CHST1: variants seen among roughly 807,000 people sequenced by gnomAD.
CHST1 encodes Keratan sulfotransferase.
In CHST1, 10 loss-of-function variants were observed where a neutral mutation model predicts 22.5. The observed-to-expected ratio is 0.44, with a 90% CI of 0.27 to 0.75. The LOEUF (loss-of-function observed/expected upper bound fraction) is 0.75. CHST1 is among the 30% of genes least tolerant of loss of function. The pLI is 0.15. For missense variants in CHST1, 439 were observed against 576.1 expected, an observed-to-expected ratio of 0.76 and a Z score of 2.44; for synonymous variants, 267 against 264.5, an observed-to-expected ratio of 1.01 and a Z score of -0.09.
rs1365207552 is a variant in CHST1 at position 45,649,418 on chromosome 11, C to A, written c.*270G>T. 1 of 490,102 alleles carries A rather than the reference C, an allele frequency of 2.0e-6. No individual in the cohort carries two copies. Among genetic ancestry groups the A allele is most frequent in the Admixed American group, 3.8e-5 (1 of 26,216 alleles). 30.4% of individuals were successfully genotyped at this position (490,102 alleles called of 1,614,324 possible). ...TGGTGCTTGTAAACATTGTCACCGT[C>A]CGCACAGAGACCCAACATCCATGTG... On this transcript the variant is annotated 3_prime_UTR_variant, in exon 4 of 4. Transcript: ENST00000308064.
At position 45,649,194 on chromosome 11, in the gene CHST1, A is replaced by C; in HGVS notation, c.*494T>G. ...CAGTTTCGCTGCTCTAAGGGGGGAA[A>C]TGGGCGTCAGGGGCAGGAGGCAGGG... On this transcript the variant is annotated 3_prime_UTR_variant, in exon 4 of 4. Coordinates refer to ENST00000308064, the MANE Select transcript of CHST1 (RefSeq NM_003654.6). 1 of 154,226 alleles carries C rather than the reference A, an allele frequency of 6.5e-6. No homozygotes were observed. Among genetic ancestry groups the C allele is most frequent in the Non-Finnish European group, 1.4e-5 (1 of 69,290 alleles). The allele number at this position is 154,226 out of a possible 1,614,324, so 9.6% of individuals were successfully genotyped here. A position where few individuals can be genotyped will look rare whatever the true frequency, so the allele number is the denominator to read the frequency against.
chr11:45,663,851 G>A (rs1383971001), intron 1 of CHST1, among the ~76,000 whole-genome samples: 4 of 152,218 alleles, frequency 2.6e-5, no homozygotes, highest in Admixed American at 6.5e-5. Context: ...CCGGTAGGGA[G>A]GGGAATTGAA....
chr11:45,661,647 ATC>A (rs1312216231), intron 1 of CHST1, among the ~76,000 whole-genome samples: 1 of 152,216 alleles, frequency 6.6e-6, no homozygotes, highest in East Asian at 1.9e-4. Context: ...CTGTTTTCCC[ATC>A]TGTGAAAGAG....
At chr11:45,654,760 C>T (rs577640707) in intron 1 of CHST1, among the ~76,000 whole-genome samples, 7 of 152,334 alleles carry the variant, frequency 4.6e-5, no homozygotes, top group African/African-American at 1.7e-4. Context: ...TGTTAGAAAG[C>T]AGGCAAGTTG....
rs45464596 is a variant in CHST1 at position 45,656,727 on chromosome 11, C to G, written c.-226-4121G>C. On this transcript the variant is annotated intron_variant, in intron 1 of 3. Transcript: ENST00000308064. ...TCTCACTGTGCCTCCCACCCTCCCC[C>G]CCCAGGCACTGCCAGCCAGCTCTCC... is the stretch of plus-strand genomic sequence containing the variant. 5.3e-4 allele frequency among the ~76,000 whole-genome samples: 80 copies of G among 151,336 alleles called. No individual in the cohort carries two copies. The East Asian group carries it at 6.1e-3, about 11-fold the overall frequency.
rs1387195510 is a variant in CHST1, at chr11:45,657,263, A to T, written c.-226-4657T>A. Among the ~76,000 whole-genome samples the T allele has an allele frequency of 4.6e-5, 7 of 151,790 alleles. No individual in the cohort carries two copies. The South Asian group carries it at 6.3e-4, about 14-fold the overall frequency. ...TAGTTAAGGCTAAAATGCATAAAAC[A>T]GCAAGGCGTTTTTCTTCCTAAGGAA... On this transcript the variant is annotated intron_variant, in intron 1 of 3. Coordinates refer to ENST00000308064, the MANE Select transcript of CHST1 (RefSeq NM_003654.6).
At chr11:45,656,575 C>G (rs190876119) in intron 1 of CHST1, among the ~76,000 whole-genome samples, 1 of 152,230 alleles carries the variant, frequency 6.6e-6, no homozygotes, top group African/African-American at 2.4e-5. Flanking sequence ...GGAGGAGACA[C>G]CGTTTACACT....
rs143941358 is a variant in CHST1, at chr11:45,659,875, T to G, written c.-227+5303A>C. 2.0e-4 allele frequency among the ~76,000 whole-genome samples: 30 copies of G among 152,328 alleles called. 1 individual carries two copies. The highest frequency in any genetic ancestry group is 1.4e-3 in the Admixed American group (21 of 15,304). ...ATCGGGTTTGGGCTCTCTGCCCAGT[T>G]GAGGCTTCCCTGCTCTAAGCCCAAA... On this transcript the variant is annotated intron_variant, in intron 1 of 3. Coordinates refer to ENST00000308064, the MANE Select transcript of CHST1 (RefSeq NM_003654.6).
Position 45,650,509 on chromosome 11 carries a change from T to G in CHST1, c.415A>C (p.Ile139Leu), listed in dbSNP as rs1343820906. ...GTGTGGTTGACCGGCGGCGGCTTGA[T>G]GTAGTTCTCCAGGAAGTAGAGGTCG... ...DCDLYFLENY[I>L]KPPPVNHTTD... is the part of the protein sequence containing the mutation. The change falls in exon 4 of 4, where the codon ATC (isoleucine) becomes CTC (leucine). Residue 139 changes from isoleucine to leucine, a missense_variant. Physicochemically the swap from Ile to Leu is conservative, Grantham distance 5 (BLOSUM62 2). Transcript: ENST00000308064. The G allele has an allele frequency of 6.2e-7, 1 of 1,613,648 alleles. No homozygotes were observed. The highest frequency in any genetic ancestry group is 1.7e-5 in the Admixed American group (1 of 60,020).
At chr11:45,651,793 T>C (rs1234531691) in intron 3 of CHST1, 200 bp downstream of exon 3, 1 of 152,338 alleles carries the variant, frequency 6.6e-6, no homozygotes, top group Non-Finnish European at 1.5e-5. Flanking sequence ...TTACCTCCTG[T>C]GTCCCCTCTG....
chr11:45,664,672 A>T (rs1052972786), intron 1 of CHST1, among the ~76,000 whole-genome samples: 1 of 152,200 alleles, frequency 6.6e-6, no homozygotes, highest in Non-Finnish European at 1.5e-5. Flanking sequence ...CCGGCCCCAC[A>T]GGGGCCCAGC....
Sources: allele counts gnomAD v4.1 joint callset (sites outside exome capture counted in the v4.1 genomes callset), GRCh38; gene constraint gnomAD v4.1.1; transcripts MANE v1.5; gene names NCBI Gene and HGNC (gene_info 2026-07-23, HGNC 2026-07-21).